The following SNX12 variants were observed in gnomAD, a reference collection of about 807,000 sequenced individuals.
The protein encoded by SNX12 is sorting nexin 12.
For missense variants in SNX12, 62 were observed against 141.3 expected, an observed-to-expected ratio of 0.44 and a Z score of 2.84; for synonymous variants, 47 against 56.0, an observed-to-expected ratio of 0.84 and a Z score of 0.71.
At chrX:71,064,576 T>C (rs757978865) in intron 1 of SNX12, among the ~76,000 whole-genome samples, 1 of 112,545 alleles carries the variant, frequency 8.9e-6, no homozygotes, top group African/African-American at 3.2e-5. Context: ...ATTACAAAAG[T>C]TGGCTTACCA....
At chrX:71,069,935 C>A (rs1327508630), upstream of SNX12, among the ~76,000 whole-genome samples, 1 of 90,637 alleles carries the variant, frequency 1.1e-5, no homozygotes, top group Non-Finnish European at 2.1e-5. Flanking sequence ...AGCAAGACTC[C>A]ATCAAAAAAA....
intron 1 of SNX12, among the ~76,000 whole-genome samples, chrX:71,063,474 GAGAC>G (rs2092139678): frequency 9.5e-6 from 1 of 105,309 alleles, no homozygotes; most frequent in Admixed American, 1.0e-4. Context: ...TCCATCCTGA[GAGAC>G]AGAGTGAGAT....
At chrX:71,071,544 T>TATATAAATATATAATATTTATATATTA (rs1569477446), upstream of SNX12, among the ~76,000 whole-genome samples, 1 of 36,697 alleles carries the variant, frequency 2.7e-5, no homozygotes, top group Non-Finnish European at 4.0e-5. Flanking sequence ...TTTATATATA[T>TATATAAATATATAATATTTATATATTA]TATATATAAA....
intron 1 of SNX12, among the ~76,000 whole-genome samples, chrX:71,063,310 A>C (rs998207576): frequency 4.5e-5 from 5 of 110,650 alleles, no homozygotes; most frequent in Admixed American, 9.7e-5. Flanking sequence ...CAGCCTGGCC[A>C]ACATGGTGAA....
Position 71,061,941 on chromosome X carries a change from T to C in SNX12, c.288A>G (p.Lys96=), listed in dbSNP as rs148689952. ...SKIVVPPLPG[K]ALKRQLPFRG... The stretch of plus-strand genomic sequence containing the variant: ...GGAAAGGGAGCTGCCGCTTCAAGGC[T>C]TTCCCAGGCAGTGGTGGTACTACAA... The change falls in exon 3 of 4, where the codon AAA becomes AAG. Residue 96 remains lysine, a synonymous_variant. Coordinates refer to ENST00000374274, the MANE Select transcript of SNX12 (RefSeq NM_013346.4). The C allele has an allele frequency of 1.1e-3, 1,348 of 1,199,319 alleles. 4 individuals are homozygous for C. Among genetic ancestry groups the C allele is most frequent in the Middle Eastern group, 8.0e-3 (34 of 4,255 alleles).
intron 1 of SNX12, among the ~76,000 whole-genome samples, chrX:71,067,557 T>C (rs756441684): frequency 8.9e-6 from 1 of 112,039 alleles, no homozygotes; most frequent in African/African-American, 3.2e-5. Flanking sequence ...CGACACAAGT[T>C]AGGAAAGCGC....
At chrX:71,069,523 T>C (rs1008917129), upstream of SNX12, among the ~76,000 whole-genome samples, 1 of 112,039 alleles carries the variant, frequency 8.9e-6, no homozygotes, top group Non-Finnish European at 1.9e-5. Flanking sequence ...ACATAGGAAA[T>C]GTATAACTGG....
At chrX:71,063,031 C>G in intron 1 of SNX12, 82 bp from the exon 2 acceptor site, 1 of 610,300 alleles carries the variant, frequency 1.6e-6, no homozygotes, top group Non-Finnish European at 2.7e-6. Context: ...TTGGACAGGT[C>G]CCAATGAAGA....
chrX:71,064,474 T>C (rs2092144295), intron 1 of SNX12, among the ~76,000 whole-genome samples: 1 of 112,730 alleles, frequency 8.9e-6, no homozygotes, highest in Non-Finnish European at 1.9e-5. Context: ...ATGCAGAATA[T>C]GCAAGTTACT....
intron 1 of SNX12, 134 bp downstream of exon 1, chrX:71,068,008 A>C: frequency 1.9e-6 from 1 of 536,714 alleles, no homozygotes; most frequent in Non-Finnish European, 2.9e-6. Context: ...TTCCAAGCCT[A>C]TTATACCCCT....
chrX:71,072,148 C>T (rs1389940733), upstream of SNX12, among the ~76,000 whole-genome samples: 5 of 109,498 alleles, frequency 4.6e-5, no homozygotes, highest in African/African-American at 1.7e-4. Context: ...GTCCCAGCTA[C>T]TTGGGAGGCC....
upstream of SNX12, chrX:71,068,558 C>A (rs1419504703): frequency 4.0e-6 from 1 of 248,599 alleles, no homozygotes; most frequent in Non-Finnish European, 7.1e-6. Flanking sequence ...TGTTTGTGGC[C>A]ACCCGGGAAC....
At chrX:71,068,425 G>GCGCACGCGCGCCCACGCA (rs1454878889), upstream of SNX12, 1 of 579,763 alleles carries the variant, frequency 1.7e-6, no homozygotes, top group East Asian at 4.1e-5. Flanking sequence ...CGGCGGCGGC[G>GCGCACGCGCGCCCACGCA]CGCACGCGCG....
At chrX:71,066,700 C>G (rs1198537786) in intron 1 of SNX12, among the ~76,000 whole-genome samples, 2 of 109,905 alleles carry the variant, frequency 1.8e-5, no homozygotes, top group African/African-American at 6.6e-5. Context: ...CCACAGCAGA[C>G]AGCCCTTATG....
At chrX:71,065,232 C>T (rs1469029209) in intron 1 of SNX12, among the ~76,000 whole-genome samples, 1 of 103,866 alleles carries the variant, frequency 9.6e-6, no homozygotes, top group Non-Finnish European at 2.0e-5. Context: ...TAGCCAGGTG[C>T]TTGTAATCCC....
At chrX:71,071,537 A>C (rs1211065585), upstream of SNX12, among the ~76,000 whole-genome samples, 1 of 51,535 alleles carries the variant, frequency 1.9e-5, no homozygotes, top group African/African-American at 8.2e-5. Context: ...ATTTATATTT[A>C]TATATATTAT....
chrX:71,062,668 C>A lies in SNX12; in HGVS notation c.261+186G>T, dbSNP rs146163191. 2.2e-3 allele frequency among the ~76,000 whole-genome samples: 242 copies of A among 112,085 alleles called. 3 individuals are homozygous for A. The highest frequency in any genetic ancestry group is 7.6e-3 in the African/African-American group (234 of 30,913). Reference sequence around the variant, plus strand: ...GATTACAGGCGTGAGCCACTGTGCCCAGCCAGAACTTACCACTTTCAAGTT... The same window carrying A: ...GATTACAGGCGTGAGCCACTGTGCCAAGCCAGAACTTACCACTTTCAAGTT... On this transcript the variant is annotated intron_variant, in intron 2 of 3. Coordinates refer to ENST00000374274, the MANE Select transcript of SNX12 (RefSeq NM_013346.4).
Position 71,059,549 on chromosome X carries a change from G to A in SNX12, c.*1467C>T, listed in dbSNP as rs1398102132. On this transcript the variant is annotated 3_prime_UTR_variant, in exon 4 of 4. Coordinates refer to ENST00000374274, the MANE Select transcript of SNX12 (RefSeq NM_013346.4). Reference sequence around the variant, plus strand: ...TCAGCAGCTGGAGAGCTGTCTCAGGGAACTTCAACATTTAGATGGGTTCCA... The same window carrying A: ...TCAGCAGCTGGAGAGCTGTCTCAGGAAACTTCAACATTTAGATGGGTTCCA... 2 of 111,995 alleles carry A rather than the reference G, an allele frequency of 1.8e-5. No homozygotes were observed. The highest frequency in any genetic ancestry group is 3.8e-5 in the Non-Finnish European group (2 of 53,217). The allele number at this position is 111,995 out of a possible 1,213,427, so 9.2% of individuals were successfully genotyped here.
chrX:71,069,218 T>A (rs754486874), upstream of SNX12, among the ~76,000 whole-genome samples: 1 of 112,115 alleles, frequency 8.9e-6, no homozygotes, highest in East Asian at 2.8e-4. Context: ...TGATTTCAGG[T>A]CATCCTTTCT....
Sources: gnomAD v4.1 joint callset for allele counts (sites outside exome capture counted in the v4.1 genomes callset) on GRCh38, gnomAD v4.1.1 for gene constraint, MANE v1.5 for transcripts, NCBI Gene and HGNC (gene_info 2026-07-23, HGNC 2026-07-21) for gene names.